The following STXBP5 variants were observed in gnomAD, a reference collection of about 807,000 sequenced individuals.
STXBP5 encodes syntaxin-binding protein 5.
In STXBP5, 50 loss-of-function variants were observed where a neutral mutation model predicts 152.4. The observed-to-expected ratio is 0.33, with a 90% confidence interval of 0.26 to 0.42. The LOEUF (loss-of-function observed/expected upper bound fraction) is 0.42, where lower values mean the gene tolerates loss of function less well. Ranked by LOEUF, STXBP5 falls within the 10% of genes least tolerant of loss-of-function variation. The pLI, the probability that STXBP5 is intolerant of heterozygous loss-of-function variation, is 1.00. For missense variants in STXBP5, 1,167 were observed against 1,388.6 expected (o/e 0.84, Z 2.54); for synonymous variants, 492 against 494.7 (o/e 0.99, Z 0.07).
chr6:147,293,007 A>G (rs1047531452), intron 9 of STXBP5: 1 of 152,198 alleles, frequency 6.6e-6, no homozygotes, highest in Non-Finnish European at 1.5e-5. Flanking sequence ...CCAATAAATT[A>G]TAATATTGTA....
At chr6:147,272,664 A>G (rs989413692) in intron 7 of STXBP5, among the ~76,000 whole-genome samples, 10 of 152,158 alleles carry the variant, frequency 6.6e-5, no homozygotes, top group African/African-American at 2.4e-4. Flanking sequence ...ATTCAGTGGT[A>G]TATTACTGTA....
intron 16 of STXBP5, among the ~76,000 whole-genome samples, chr6:147,320,552 A>AGTGTGTGTGT (rs71552971): frequency 3.1e-4 from 26 of 85,020 alleles, no homozygotes; most frequent in South Asian, 1.1e-3. Flanking sequence ...TGCTAATTTG[A>AGTGTGTGTGT]GTGTGTGTGT....
rs770039253 is a variant in STXBP5, at chr6:147,325,049, A to G, written c.1893A>G (p.Gln631=). ...LVWVGGEPPQ[Q]ITSLAVNSSY... The stretch of plus-strand genomic sequence containing the variant: ...GGGTGGGTGGAGAACCACCACAACA[A>G]ATAACCAGCCTGGCAGTCAATTCTT... Residue 631 remains glutamine, a synonymous_variant, in exon 17 of 28, where the codon CAA becomes CAG. Coordinates refer to ENST00000321680, the MANE Select transcript of STXBP5 (RefSeq NM_001127715.4). 9 of 1,585,536 alleles carry G rather than the reference A, an allele frequency of 5.7e-6. No individual in the cohort carries two copies. The highest frequency in any genetic ancestry group is 5.2e-5 in the Admixed American group (3 of 57,586).
In STXBP5 at chr6:147,389,174, A is replaced by G. The variant is rs1562284666; in HGVS notation, c.*4419A>G. 6.6e-6 allele frequency: 1 copy of G among 151,690 alleles called. No individual in the cohort carries two copies. Among genetic ancestry groups the G allele is most frequent in the Non-Finnish European group, 1.5e-5 (1 of 67,714 alleles). 9.4% of individuals were successfully genotyped at this position (151,690 alleles called of 1,614,324 possible). Reference sequence around the variant, plus strand: ...GTTAATTGCACTTTTCATCACTCTGATCAATTTCTTGTAAAGTGCTATGGG... The same window carrying G: ...GTTAATTGCACTTTTCATCACTCTGGTCAATTTCTTGTAAAGTGCTATGGG... On this transcript the variant is annotated 3_prime_UTR_variant, in exon 28 of 28. Coordinates refer to ENST00000321680, the MANE Select transcript of STXBP5 (RefSeq NM_001127715.4).
At chr6:147,314,439 G>T in intron 13 of STXBP5, 108 bp downstream of exon 13, 1 of 1,280,160 alleles carries the variant, frequency 7.8e-7, no homozygotes. Flanking sequence ...CCTTTATGTC[G>T]TAATATAATA....
chr6:147,308,703 C>A (rs965402954), intron 9 of STXBP5, among the ~76,000 whole-genome samples: 1 of 152,286 alleles, frequency 6.6e-6, no homozygotes, highest in Non-Finnish European at 1.5e-5. Context: ...CAAGCACATA[C>A]ATCTATTGCA....
At chr6:147,211,975 G>C (rs1776879562) in intron 2 of STXBP5, among the ~76,000 whole-genome samples, 1 of 152,182 alleles carries the variant, frequency 6.6e-6, no homozygotes, top group African/African-American at 2.4e-5. Context: ...TTGTGCAGGA[G>C]AAACAAGGAG....
intron 2 of STXBP5, 89 bp from the exon 3 acceptor site, chr6:147,235,161 C>T: frequency 9.1e-7 from 1 of 1,097,644 alleles, no homozygotes. Flanking sequence ...AATATGAGGT[C>T]ATTGGAATAT....
At chr6:147,263,619 A>G (rs1779750286) in intron 6 of STXBP5, among the ~76,000 whole-genome samples, 1 of 151,898 alleles carries the variant, frequency 6.6e-6, no homozygotes, top group South Asian at 2.1e-4. Context: ...GGATATCTTT[A>G]CCTGAATGTT....
At chr6:147,300,730 G>A (rs1582910919) in intron 9 of STXBP5, among the ~76,000 whole-genome samples, 1 of 152,018 alleles carries the variant, frequency 6.6e-6, no homozygotes, top group Non-Finnish European at 1.5e-5. Context: ...AATGCTTCAC[G>A]ATATGGGACT....
At chr6:147,378,659 A>G (rs1785928526) in intron 26 of STXBP5, among the ~76,000 whole-genome samples, 2 of 152,088 alleles carry the variant, frequency 1.3e-5, no homozygotes, top group African/African-American at 4.8e-5. Context: ...TCATTTGCAA[A>G]TGATTGATAT....
intron 7 of STXBP5, among the ~76,000 whole-genome samples, chr6:147,276,431 A>G (rs1419717179): frequency 1.3e-5 from 2 of 152,104 alleles, no homozygotes; most frequent in Non-Finnish European, 1.5e-5. Context: ...AATATTTTAT[A>G]AATAGGAGTC....
At chr6:147,212,000 C>T (rs147179273) in intron 2 of STXBP5, among the ~76,000 whole-genome samples, 22 of 152,342 alleles carry the variant, frequency 1.4e-4, no homozygotes, top group Non-Finnish European at 2.5e-4. Context: ...AAATACTCAG[C>T]TCATATCTCA....
chr6:147,309,949 A>G, intron 9 of STXBP5, 135 bp from the exon 10 acceptor site: 2 of 568,506 alleles, frequency 3.5e-6, no homozygotes, highest in Non-Finnish European at 5.4e-6. Context: ...ATTCCATGAG[A>G]CAATTCAATT....
chr6:147,306,046 C>T (rs1782075386), intron 9 of STXBP5, among the ~76,000 whole-genome samples: 2 of 152,050 alleles, frequency 1.3e-5, no homozygotes, highest in Non-Finnish European at 2.9e-5. Context: ...TTATGCAGAA[C>T]AATTATTAAA....
intron 9 of STXBP5, among the ~76,000 whole-genome samples, chr6:147,299,540 T>A (rs1442637759): frequency 6.6e-6 from 1 of 152,012 alleles, no homozygotes; most frequent in Non-Finnish European, 1.5e-5. Context: ...TACTAATTCC[T>A]GAAACTATTC....
rs1780346157 is a variant in STXBP5 at position 147,274,564 on chromosome 6, A to G, written c.715-3517A>G. ...TTCACAAGTTTAAAATACTAGGACA[A>G]AAGCTGTACAATTTAATGTATTATT... On this transcript the variant is annotated intron_variant, in intron 7 of 27. Coordinates refer to ENST00000321680, the MANE Select transcript of STXBP5 (RefSeq NM_001127715.4). Among the ~76,000 whole-genome samples, 7 of 152,326 alleles carry G rather than the reference A, an allele frequency of 4.6e-5. No homozygotes were observed. In the South Asian group the frequency reaches 1.2e-3, roughly 27 times the overall value.
intron 7 of STXBP5, among the ~76,000 whole-genome samples, chr6:147,273,275 G>A (rs574362593): frequency 6.6e-6 from 1 of 152,078 alleles, no homozygotes; most frequent in South Asian, 2.1e-4. Context: ...GAAGTGGGAG[G>A]ATGGGTTAAG....
chr6:147,373,680 A>G (rs1785672086), intron 25 of STXBP5, 51 bp from the exon 26 acceptor site: 4 of 1,338,138 alleles, frequency 3.0e-6, no homozygotes, highest in Non-Finnish European at 4.3e-6. Context: ...TGTTCATTAT[A>G]GTTTAGTTTC....
Sources: gnomAD v4.1 joint callset for allele counts (sites outside exome capture counted in the v4.1 genomes callset) on GRCh38, gnomAD v4.1.1 for gene constraint, MANE v1.5 for transcripts, NCBI Gene and HGNC (gene_info 2026-07-23, HGNC 2026-07-21) for gene names.